The following NRXN3 variants were observed in gnomAD, a reference collection of about 807,000 sequenced individuals.
The protein encoded by NRXN3 is neurexin 3, also known as neurexin III.
Under a neutral mutation model 137.6 loss-of-function variants are expected in NRXN3, and 32 were observed. The observed-to-expected ratio is 0.23, with a 90% confidence interval of 0.18 to 0.31. The LOEUF (loss-of-function observed/expected upper bound fraction) is 0.31, where lower values mean the gene tolerates loss of function less well. Among genes scored for constraint, NRXN3 ranks in the 10% least tolerant of loss-of-function variants. The pLI, the probability that NRXN3 is intolerant of heterozygous loss-of-function variation, is 1.00. For missense variants in NRXN3, 1,574 were observed against 2,062.5 expected, an observed-to-expected ratio of 0.76 and a Z score of 4.59; for synonymous variants, 798 against 784.5, an observed-to-expected ratio of 1.02 and a Z score of -0.29.
chr14:79,046,966 A>G (rs2099633999), intron 15 of NRXN3, among the ~76,000 whole-genome samples: 1 of 152,142 alleles, frequency 6.6e-6, no homozygotes, highest in Non-Finnish European at 1.5e-5. Context: ...GAACATTGAT[A>G]TGTTTACTTT....
chr14:78,729,481 T>G (rs1045735488), intron 8 of NRXN3, among the ~76,000 whole-genome samples: 3 of 152,082 alleles, frequency 2.0e-5, no homozygotes, highest in African/African-American at 4.8e-5. Context: ...CCATTTGGAG[T>G]AAATTCAGGA....
chr14:79,684,623 G>A (rs2098687497), intron 17 of NRXN3, among the ~76,000 whole-genome samples: 1 of 152,130 alleles, frequency 6.6e-6, no homozygotes, highest in African/African-American at 2.4e-5. Context: ...CAATGTTCCT[G>A]TGTTGTGCAG....
At chr14:78,646,996 A>G (rs1278615433) in intron 5 of NRXN3, among the ~76,000 whole-genome samples, 1 of 152,180 alleles carries the variant, frequency 6.6e-6, no homozygotes, top group African/African-American at 2.4e-5. Flanking sequence ...CGCTTTAGGC[A>G]TTAATCAGTG....
chr14:79,309,010 C>T (rs2086692141), intron 15 of NRXN3, among the ~76,000 whole-genome samples: 1 of 122,490 alleles, frequency 8.2e-6, no homozygotes, highest in Admixed American at 8.7e-5. Context: ...ATACATGTGC[C>T]ATGCTGGTGC....
intron 19 of NRXN3, among the ~76,000 whole-genome samples, chr14:79,732,935 A>C (rs1041639716): frequency 1.3e-5 from 2 of 152,142 alleles, no homozygotes; most frequent in Non-Finnish European, 2.9e-5. Flanking sequence ...GACTCAAAAG[A>C]AGATGTTCAG....
chr14:78,905,649 A>T (rs1439337121), intron 10 of NRXN3, among the ~76,000 whole-genome samples: 1 of 152,012 alleles, frequency 6.6e-6, no homozygotes. Context: ...AGCTTTTTTG[A>T]ATAAAAGTCT....
chr14:79,279,188 T>C (rs2080823295), intron 15 of NRXN3, among the ~76,000 whole-genome samples: 2 of 152,052 alleles, frequency 1.3e-5, no homozygotes, highest in South Asian at 4.1e-4. Context: ...CGGCGTGTGC[T>C]GGAGGCTCGC....
chr14:78,257,276 T>A (rs2069801425), intron 2 of NRXN3, among the ~76,000 whole-genome samples: 1 of 152,236 alleles, frequency 6.6e-6, no homozygotes, highest in African/African-American at 2.4e-5. Flanking sequence ...GAACAGGCCA[T>A]CTCTTTATTG....
chr14:79,512,454 A>G (rs905208604), intron 16 of NRXN3, among the ~76,000 whole-genome samples: 1 of 152,208 alleles, frequency 6.6e-6, no homozygotes, highest in Non-Finnish European at 1.5e-5. Context: ...TAATCTATAA[A>G]CAATGTTATT....
At chr14:78,443,377 C>T (rs920876287) in intron 4 of NRXN3, among the ~76,000 whole-genome samples, 5 of 152,330 alleles carry the variant, frequency 3.3e-5, no homozygotes, top group Non-Finnish European at 4.4e-5. Flanking sequence ...ATGCACTGTG[C>T]GCTCTGCCAG....
chr14:79,126,502 A>G (rs1324625241), intron 15 of NRXN3, among the ~76,000 whole-genome samples: 2 of 152,024 alleles, frequency 1.3e-5, no homozygotes, highest in Non-Finnish European at 2.9e-5. Flanking sequence ...AAGGACATGA[A>G]CTCATCATTT....
chr14:78,832,534 C>T (rs1053156353), intron 10 of NRXN3, among the ~76,000 whole-genome samples: 5 of 152,048 alleles, frequency 3.3e-5, no homozygotes, highest in African/African-American at 1.2e-4. Context: ...GACAAATCCT[C>T]TCTGTGCCTT....
At chr14:79,816,487 C>T (rs2099251790) in intron 20 of NRXN3, among the ~76,000 whole-genome samples, 1 of 152,144 alleles carries the variant, frequency 6.6e-6, no homozygotes, top group African/African-American at 2.4e-5. Context: ...TAAATGCCAC[C>T]AAAGTTATGA....
chr14:78,180,540 T>C (rs968797034), intron 1 of NRXN3, among the ~76,000 whole-genome samples: 2 of 152,216 alleles, frequency 1.3e-5, no homozygotes, highest in African/African-American at 4.8e-5. Flanking sequence ...AGGTTAACTA[T>C]CTTGCCTGTG....
At chr14:79,351,884 A>G (rs1235667083) in intron 15 of NRXN3, among the ~76,000 whole-genome samples, 2 of 152,178 alleles carry the variant, frequency 1.3e-5, no homozygotes, top group Non-Finnish European at 2.9e-5. Context: ...ACAGTATATC[A>G]TCTATGTGTT....
At chr14:79,408,878 T>C (rs1326090765) in intron 15 of NRXN3, among the ~76,000 whole-genome samples, 2 of 152,106 alleles carry the variant, frequency 1.3e-5, no homozygotes, top group Non-Finnish European at 2.9e-5. Context: ...TGTTCCTTTG[T>C]GGGTGTACTC....
intron 10 of NRXN3, among the ~76,000 whole-genome samples, chr14:78,846,521 A>T (rs2099027523): frequency 6.6e-6 from 1 of 152,114 alleles, no homozygotes; most frequent in Non-Finnish European, 1.5e-5. Flanking sequence ...TTCTGCTTAC[A>T]GCTGCTTTTA....
intron 15 of NRXN3, among the ~76,000 whole-genome samples, chr14:79,422,136 T>C (rs1269683011): frequency 6.6e-6 from 1 of 152,204 alleles, no homozygotes; most frequent in Non-Finnish European, 1.5e-5. Flanking sequence ...CATGGCTCAC[T>C]GTAGCCTCGA....
At chr14:78,199,361 G>A (rs1355050768) in intron 1 of NRXN3, among the ~76,000 whole-genome samples, 3 of 152,140 alleles carry the variant, frequency 2.0e-5, no homozygotes, top group African/African-American at 7.2e-5. Flanking sequence ...TGAACTAGGT[G>A]TAGGGCATTC....
Sources: gnomAD v4.1 joint callset for allele counts (sites outside exome capture counted in the v4.1 genomes callset) on GRCh38, gnomAD v4.1.1 for gene constraint, MANE v1.5 for transcripts, NCBI Gene and HGNC (gene_info 2026-07-23, HGNC 2026-07-21) for gene names.